Variants in KCNG3 observed in about 807,000 individuals in gnomAD.
KCNG3 encodes the protein potassium voltage-gated channel modifier subfamily G member 3, also known as voltage-gated potassium channel regulatory subunit KCNG3.
A neutral mutation model predicts 29.0 loss-of-function variants in KCNG3; 15 were observed. The ratio of observed to expected loss-of-function variants is 0.52; its 90% CI spans 0.35 to 0.80. The LOEUF (loss-of-function observed/expected upper bound fraction) is 0.80. Among genes scored for constraint, KCNG3 ranks in the 30% least tolerant of loss-of-function variants. The pLI, the probability that KCNG3 is intolerant of heterozygous loss-of-function variation, is 0.01. For synonymous variants in KCNG3, 322 were observed against 248.9 expected (o/e 1.29, Z -2.76); for missense variants, 512 against 605.7 (o/e 0.85, Z 1.62).
At chr2:42,440,170 G>A (rs974452416), downstream of KCNG3, among the ~76,000 whole-genome samples, 3 of 152,068 alleles carry the variant, frequency 2.0e-5, no homozygotes, top group Non-Finnish European at 4.4e-5. Flanking sequence ...AGACCAGAAG[G>A]TTTCCACAAC....
At position 42,444,600 on chromosome 2, in the gene KCNG3, G is replaced by A; in HGVS notation, c.666-21C>T. 6 of 1,574,496 alleles carry A rather than the reference G, an allele frequency of 3.8e-6. No homozygotes were observed. Among genetic ancestry groups the A allele is most frequent in the Non-Finnish European group, 5.2e-6 (6 of 1,160,404 alleles). On this transcript the variant is annotated intron_variant, in intron 1 of 1. Transcript: ENST00000306078. The surrounding 1 kb of genome is among the most constrained non-coding windows in gnomAD (Gnocchi z 5.8). ...TTATCCTGTCAAGAGAACAAAAGAA[G>A]AATTGATCATTTTATTTTTAAGCAT...
intron 1 of KCNG3, chr2:42,463,147 A>G (rs550722718): frequency 3.0e-6 from 1 of 335,762 alleles, no homozygotes; most frequent in Non-Finnish European, 5.6e-6. Context: ...TGTGCTTGAA[A>G]TTCTAATCCT....
At chr2:42,484,408 G>A (rs1371174649) in intron 1 of KCNG3, among the ~76,000 whole-genome samples, 1 of 152,190 alleles carries the variant, frequency 6.6e-6, no homozygotes, top group African/African-American at 2.4e-5. Context: ...ATTGCAGTGA[G>A]CCGAGATCGT....
the KCNG3 span, among the ~76,000 whole-genome samples, chr2:42,420,982 G>A: frequency 1.3e-5 from 2 of 152,078 alleles, no homozygotes; most frequent in African/African-American, 2.4e-5. Flanking sequence ...TATGTTGTTA[G>A]AAACAAAAAG....
intron 1 of KCNG3, among the ~76,000 whole-genome samples, chr2:42,451,704 C>T (rs1245377206): frequency 4.6e-5 from 7 of 151,788 alleles, no homozygotes; most frequent in Non-Finnish European, 1.0e-4. Flanking sequence ...CCAACCTGGG[C>T]GACAGAGCAA....
In KCNG3 at chr2:42,493,358, G is replaced by C. The variant is rs761662694; in HGVS notation, c.144C>G (p.Leu48=). 9 of 1,580,068 alleles carry C rather than the reference G, an allele frequency of 5.7e-6. No individual in the cohort carries two copies. In the South Asian group the frequency reaches 5.8e-5, roughly 10 times the overall value. The change falls in exon 1 of 2, where the codon CTC becomes CTG. Residue 48 remains leucine (L), a synonymous_variant. Coordinates refer to ENST00000306078, the MANE Select transcript of KCNG3 (RefSeq NM_133329.6). ...LHGCRSERDV[L]EVCDDYDRER... ...CGCGGTCGTAGTCGTCGCACACCTC[G>C]AGCACGTCGCGCTCGGAGCGGCAGC...
the KCNG3 span, among the ~76,000 whole-genome samples, chr2:42,401,328 G>A: frequency 2.0e-5 from 3 of 150,344 alleles, no homozygotes; most frequent in Non-Finnish European, 4.4e-5. Flanking sequence ...TATAAAGCTT[G>A]TTCTAACAAA....
At chr2:42,417,380 G>A in the KCNG3 span, among the ~76,000 whole-genome samples, 1 of 152,138 alleles carries the variant, frequency 6.6e-6, no homozygotes. Context: ...GAGTGCAGCT[G>A]CACAATTATG....
downstream of KCNG3, among the ~76,000 whole-genome samples, chr2:42,438,870 C>T (rs1202123386): frequency 6.6e-6 from 1 of 152,140 alleles, no homozygotes; most frequent in African/African-American, 2.4e-5. Flanking sequence ...GCCCAGGTTT[C>T]TGAGTGCAGA....
At chr2:42,397,420 C>A in the KCNG3 span, among the ~76,000 whole-genome samples, 7 of 151,888 alleles carry the variant, frequency 4.6e-5, no homozygotes, top group Admixed American at 6.6e-5. Context: ...CAAATAAGCA[C>A]GATTACTTAC....
At chr2:42,473,949 C>T (rs1232317908) in intron 1 of KCNG3, among the ~76,000 whole-genome samples, 2 of 151,864 alleles carry the variant, frequency 1.3e-5, no homozygotes, top group African/African-American at 2.4e-5. Context: ...GCCAGGAGTT[C>T]GAGACCAGCC....
chr2:42,425,235 T>TAA, the KCNG3 span: 301 of 130,078 alleles, frequency 2.3e-3, 2 homozygotes, highest in African/African-American at 7.6e-3. Context: ...CCGACTCTAC[T>TAA]AAAAAAAAAA....
chr2:42,423,108 G>A, the KCNG3 span, among the ~76,000 whole-genome samples: 1 of 152,170 alleles, frequency 6.6e-6, no homozygotes, highest in African/African-American at 2.4e-5. Context: ...CCAACAGTCG[G>A]CTTGATATTT....
intron 1 of KCNG3, among the ~76,000 whole-genome samples, chr2:42,476,150 A>G (rs998128074): frequency 6.6e-6 from 1 of 152,158 alleles, no homozygotes; most frequent in East Asian, 1.9e-4. Context: ...AATTTTTTCA[A>G]TTATTCATGT....
intron 1 of KCNG3, among the ~76,000 whole-genome samples, chr2:42,452,244 T>TATATATATATA (rs1491559721): frequency 1.8e-5 from 1 of 57,008 alleles, no homozygotes; most frequent in Non-Finnish European, 3.1e-5. Context: ...TATATATATA[T>TATATATATATA]TTTTTTTTTT....
At chr2:42,441,424 G>A (rs1403250744), downstream of KCNG3, among the ~76,000 whole-genome samples, 1 of 151,754 alleles carries the variant, frequency 6.6e-6, no homozygotes, top group Non-Finnish European at 1.5e-5. Context: ...GATAAAAGTA[G>A]CAACGCTCAG....
At chr2:42,457,930 T>C (rs1352471954) in intron 1 of KCNG3, among the ~76,000 whole-genome samples, 2 of 152,128 alleles carry the variant, frequency 1.3e-5, no homozygotes, top group African/African-American at 4.8e-5. Context: ...AAAACTAGCC[T>C]GAGCAATATA....
At chr2:42,429,150 A>C in the KCNG3 span, among the ~76,000 whole-genome samples, 1,096 of 152,182 alleles carry the variant, frequency 7.2e-3, 10 homozygotes, top group African/African-American at 0.024. Flanking sequence ...AACAAACAAA[A>C]AAAAAACAGG....
At chr2:42,420,765 G>C in the KCNG3 span, among the ~76,000 whole-genome samples, 2 of 152,056 alleles carry the variant, frequency 1.3e-5, no homozygotes, top group Non-Finnish European at 2.9e-5. Context: ...ACTCCAGACT[G>C]GGTAACAAGA....
Sources: allele counts gnomAD v4.1 joint callset (sites outside exome capture counted in the v4.1 genomes callset), GRCh38; gene constraint gnomAD v4.1.1; non-coding constraint Gnocchi (gnomAD v3.1); transcripts MANE v1.5; gene names NCBI Gene and HGNC (gene_info 2026-07-23, HGNC 2026-07-21).